The following SEMA3A variants were observed in gnomAD, a reference collection of about 807,000 sequenced individuals.
SEMA3A encodes the protein semaphorin 3A, also known as semaphorin-3A.
A neutral mutation model predicts 97.9 loss-of-function variants in SEMA3A; 29 were observed. The ratio of observed to expected loss-of-function variants is 0.30; its 90% confidence interval spans 0.22 to 0.40. The LOEUF is 0.40. SEMA3A is among the 10% of genes least tolerant of loss of function. The probability of loss-of-function intolerance (pLI) is 1.00; values close to 1 mark genes in which losing one functional copy is unlikely to be tolerated. For missense variants in SEMA3A, 763 were observed against 951.3 expected, an observed-to-expected ratio of 0.80 and a Z score of 2.60; for synonymous variants, 321 against 323.7, an observed-to-expected ratio of 0.99 and a Z score of 0.09.
chr7:84,308,635 G>A lies in SEMA3A; in HGVS notation c.-168-1343C>T, dbSNP rs1801227913. On this transcript the variant is annotated intron_variant, in intron 2 of 3. Transcript: ENST00000424555. ...GTCGGGAAGGGGCCAGAGGTTGGTGGAAGACTTCTCTAAGGGGTAGTAGCA... is the reference window on the plus strand; with the variant it reads ...GTCGGGAAGGGGCCAGAGGTTGGTGAAAGACTTCTCTAAGGGGTAGTAGCA... Among the ~76,000 whole-genome samples, 3 of 152,066 alleles carry A rather than the reference G, an allele frequency of 2.0e-5. No individual in the cohort carries two copies. In the South Asian group the frequency reaches 6.2e-4, roughly 31 times the overall value.
chr7:84,361,798 C>T (rs1326793332), intron 2 of SEMA3A, among the ~76,000 whole-genome samples: 1 of 151,808 alleles, frequency 6.6e-6, no homozygotes, highest in African/African-American at 2.4e-5. Flanking sequence ...TATGGGTAGG[C>T]CAGGGAAGTT....
rs1407376565 is a variant in SEMA3A, at chr7:83,968,872, A to G, written c.1718-5525T>C. On this transcript the variant is annotated intron_variant, in intron 15 of 16. Coordinates refer to ENST00000265362, the MANE Select transcript of SEMA3A (RefSeq NM_006080.3). ...CTCACCCAGGCTGGAGTGCAGTGGC[A>G]CGATCTCGGCTCACTGCAACCTCCG... Among the ~76,000 whole-genome samples the G allele has an allele frequency of 5.4e-5, 7 of 130,206 alleles. No individual in the cohort carries two copies. The Admixed American group carries it at 5.8e-4, about 11-fold the overall frequency. The allele number at this position is 130,206 out of a possible 152,430, so 85.4% of individuals were successfully genotyped here.
intron 3 of SEMA3A, among the ~76,000 whole-genome samples, chr7:84,127,367 T>C (rs549914546): frequency 6.6e-6 from 1 of 152,136 alleles, no homozygotes; most frequent in Non-Finnish European, 1.5e-5. Flanking sequence ...ACTCCGATGT[T>C]TCCTCTTGGC....
At position 84,409,293 on chromosome 7, in the gene SEMA3A, C is replaced by A. The variant is rs557193583; in HGVS notation, c.-245-37393G>T. Reference sequence around the variant, plus strand: ...CTTGGATGCTTGTATCAAAATACCACATGTACCCCATAAATATATACAACT... The same window carrying A: ...CTTGGATGCTTGTATCAAAATACCAAATGTACCCCATAAATATATACAACT... On this transcript the variant is annotated intron_variant, in intron 1 of 3. Transcript: ENST00000424555. Among the ~76,000 whole-genome samples, 5 of 151,568 alleles carry A rather than the reference C, an allele frequency of 3.3e-5. No homozygotes were observed. The South Asian group carries it at 1.0e-3, about 31-fold the overall frequency.
At chr7:84,050,332 A>G (rs1170452289) in intron 5 of SEMA3A, among the ~76,000 whole-genome samples, 2 of 152,182 alleles carry the variant, frequency 1.3e-5, no homozygotes, top group Admixed American at 6.6e-5. Context: ...CCAACGGTGT[A>G]AAAGTGTTCC....
chr7:84,103,590 C>T (rs1427532441), intron 4 of SEMA3A, among the ~76,000 whole-genome samples: 1 of 152,002 alleles, frequency 6.6e-6, no homozygotes, highest in Non-Finnish European at 1.5e-5. Context: ...TCAGGAAATT[C>T]AGTCTAAGTT....
At chr7:84,415,744 G>A (rs1462853623) in intron 1 of SEMA3A, among the ~76,000 whole-genome samples, 1 of 151,844 alleles carries the variant, frequency 6.6e-6, no homozygotes, top group Admixed American at 6.6e-5. Flanking sequence ...ATATTTTAAG[G>A]TGATATCAAT....
chr7:84,487,768 T>C (rs1343076203), intron 1 of SEMA3A, among the ~76,000 whole-genome samples: 7 of 152,244 alleles, frequency 4.6e-5, no homozygotes, highest in Non-Finnish European at 8.8e-5. Context: ...TCCAGGATCT[T>C]GAGATTACTT....
intron 1 of SEMA3A, among the ~76,000 whole-genome samples, chr7:84,491,813 AT>A (rs756727889): frequency 3.3e-5 from 5 of 152,154 alleles, no homozygotes; most frequent in Non-Finnish European, 5.9e-5. Context: ...CAAAGTTGAG[AT>A]TTTGTACATC....
chr7:84,443,835 T>C (rs1464044245), intron 1 of SEMA3A, among the ~76,000 whole-genome samples: 1 of 152,012 alleles, frequency 6.6e-6, no homozygotes, highest in Non-Finnish European at 1.5e-5. Context: ...TACTTTTGCT[T>C]TGACTGGACC....
intron 1 of SEMA3A, among the ~76,000 whole-genome samples, chr7:84,437,285 G>T (rs1296494523): frequency 6.6e-6 from 1 of 151,964 alleles, no homozygotes; most frequent in East Asian, 1.9e-4. Flanking sequence ...ATGGAAGGTG[G>T]AATTTGGTGT....
chr7:83,994,201 C>G (rs939428254), intron 12 of SEMA3A, among the ~76,000 whole-genome samples: 2 of 103,194 alleles, frequency 1.9e-5, no homozygotes, highest in Non-Finnish European at 3.9e-5. Flanking sequence ...ATTGGTTATT[C>G]TAGTTATACA....
chr7:84,365,393 C>G (rs1452389130), intron 2 of SEMA3A, among the ~76,000 whole-genome samples: 1 of 151,438 alleles, frequency 6.6e-6, no homozygotes, highest in Non-Finnish European at 1.5e-5. Flanking sequence ...TTTTATAATG[C>G]CCACTCTATA....
chr7:84,182,069 A>C (rs1286712300), intron 1 of SEMA3A, among the ~76,000 whole-genome samples: 2 of 152,062 alleles, frequency 1.3e-5, no homozygotes, highest in Non-Finnish European at 2.9e-5. Flanking sequence ...AAGCCCCTTT[A>C]AGTTGCTCTC....
chr7:84,133,997 G>A (rs1271167449), intron 2 of SEMA3A, among the ~76,000 whole-genome samples: 8 of 151,638 alleles, frequency 5.3e-5, no homozygotes, highest in African/African-American at 1.9e-4. Flanking sequence ...GGGAGGCAGA[G>A]TTGCAGTGAG....
At chr7:84,434,590 G>C (rs1016327296) in intron 1 of SEMA3A, among the ~76,000 whole-genome samples, 6 of 151,926 alleles carry the variant, frequency 3.9e-5, no homozygotes, top group Admixed American at 6.6e-5. Flanking sequence ...TCCCTAATGA[G>C]GACAGACATA....
intron 15 of SEMA3A, among the ~76,000 whole-genome samples, chr7:83,966,992 T>G (rs959618486): frequency 9.2e-5 from 14 of 152,194 alleles, no homozygotes; most frequent in Admixed American, 2.6e-4. Flanking sequence ...ATTACAGGCA[T>G]GAGCCACCGC....
chr7:84,424,046 A>C (rs1804674810), intron 1 of SEMA3A, among the ~76,000 whole-genome samples: 1 of 151,846 alleles, frequency 6.6e-6, no homozygotes, highest in African/African-American at 2.4e-5. Flanking sequence ...GCAGGTGGGA[A>C]TATAAATTAG....
chr7:84,065,221 C>T lies in SEMA3A; in HGVS notation c.454-4663G>A, dbSNP rs374684733. On this transcript the variant is annotated intron_variant, in intron 4 of 16. Coordinates refer to ENST00000265362, the MANE Select transcript of SEMA3A (RefSeq NM_006080.3). ...AAATAAAGATGTTCTTTGAAACCAA[C>T]GAGAACAAAGACACAACATACCAGA... is the stretch of plus-strand genomic sequence containing the variant. Among the ~76,000 whole-genome samples, 81 of 134,838 alleles carry T rather than the reference C, an allele frequency of 6.0e-4. No homozygotes were observed. In the East Asian group the frequency reaches 1.0e-2, roughly 17 times the overall value. The allele number at this position is 134,838 out of a possible 152,430, so 88.5% of individuals were successfully genotyped here. A position where few individuals can be genotyped will look rare whatever the true frequency, so the allele number is the denominator to read the frequency against.
Sources: allele counts gnomAD v4.1 joint callset (sites outside exome capture counted in the v4.1 genomes callset), GRCh38; gene constraint gnomAD v4.1.1; transcripts MANE v1.5; gene names NCBI Gene and HGNC (gene_info 2026-07-23, HGNC 2026-07-21).